The following HIC2 variants were observed in gnomAD, a reference collection of about 807,000 sequenced individuals.
HIC2 encodes the protein hypermethylated in cancer 2 protein.
Under a neutral mutation model 39.5 loss-of-function variants are expected in HIC2, and 2 were observed. That is an observed-to-expected ratio of 0.05 (90% CI 0.02 to 0.16). The LOEUF (loss-of-function observed/expected upper bound fraction) is 0.16. Among genes scored for constraint, HIC2 ranks in the 10% least tolerant of loss-of-function variants. The pLI is 1.00. For synonymous variants in HIC2, 399 were observed against 368.8 expected, an observed-to-expected ratio of 1.08 and a Z score of -0.94; for missense variants, 713 against 863.5, an observed-to-expected ratio of 0.83 and a Z score of 2.18.
Position 21,444,941 on chromosome 22 carries a change from C to T in HIC2, c.46C>T (p.Arg16Cys), listed in dbSNP as rs577836410. ...LALRWCAWAG[R>C]GDMGPDMELP... Reference sequence around the variant, plus strand: ...CCACAGGTGGTGCGCGTGGGCAGGGCGCGGGGACATGGGGCCCGACATGGA... The same window carrying T: ...CCACAGGTGGTGCGCGTGGGCAGGGTGCGGGGACATGGGGCCCGACATGGA... The change falls in exon 3 of 3, where the codon CGC becomes TGC. Residue 16 changes from arginine (R) to cysteine (C), a missense_variant. Transcript: ENST00000407464. 14 of 1,612,360 alleles carry T rather than the reference C, an allele frequency of 8.7e-6. No individual in the cohort carries two copies. Among genetic ancestry groups the T allele is most frequent in the East Asian group, 6.7e-5 (3 of 44,882 alleles).
At position 21,451,085 on chromosome 22, in the gene HIC2, G is replaced by C. The variant is rs969340325; in HGVS notation, c.*4342G>C. 6.5e-6 allele frequency: 1 copy of C among 152,704 alleles called. No homozygotes were observed. Among genetic ancestry groups the C allele is most frequent in the Non-Finnish European group, 1.5e-5 (1 of 68,044 alleles). 9.5% of individuals were successfully genotyped at this position (152,704 alleles called of 1,614,324 possible). A position where few individuals can be genotyped will look rare whatever the true frequency, so the allele number is the denominator to read the frequency against. On this transcript the variant is annotated 3_prime_UTR_variant, in exon 3 of 3. Coordinates refer to ENST00000407464, the MANE Select transcript of HIC2 (RefSeq NM_015094.3). ...TTCCCTCTGCCCTCTCCCACCCCGG[G>C]GGGGACCCAGGTTGGGCACTGGCTC...
At chr22:21,425,507 T>TA (rs1293262123) in intron 1 of HIC2, among the ~76,000 whole-genome samples, 5 of 147,038 alleles carry the variant, frequency 3.4e-5, no homozygotes, top group Non-Finnish European at 6.0e-5. Flanking sequence ...TAACTGGGAT[T>TA]ACAGGCACCC....
intron 1 of HIC2, among the ~76,000 whole-genome samples, chr22:21,432,791 T>C (rs1416596230): frequency 1.3e-3 from 135 of 106,294 alleles, no homozygotes; most frequent in African/African-American, 5.2e-3. Context: ...TTTACAGTAG[T>C]CTCTCTGTTT....
In HIC2 at chr22:21,447,634, A is replaced by G. The variant is rs889736300; in HGVS notation, c.*891A>G. On this transcript the variant is annotated 3_prime_UTR_variant, in exon 3 of 3. Transcript: ENST00000407464. ...AGTTTCCAAGGAATATTCTTTGTTT[A>G]GAGGTACTTGTTTTTTATTAAGAGA... 19 of 142,122 alleles carry G rather than the reference A, an allele frequency of 1.3e-4. No individual in the cohort carries two copies. The highest frequency in any genetic ancestry group is 4.8e-4 in the African/African-American group (18 of 37,524). The allele number at this position is 142,122 out of a possible 1,614,324, so 8.8% of individuals were successfully genotyped here.
rs568022488 is a variant in HIC2 at position 21,425,519 on chromosome 22, C to T, written c.-74+7959C>T. ...GAGTAACTGGGATTACAGGCACCCGCCACCACGCCTGGTTAATTTTTTCTT... is the reference window on the plus strand; with the variant it reads ...GAGTAACTGGGATTACAGGCACCCGTCACCACGCCTGGTTAATTTTTTCTT... On this transcript the variant is annotated intron_variant, in intron 1 of 2. Transcript: ENST00000407464. Among the ~76,000 whole-genome samples, 1,292 of 143,818 alleles carry T rather than the reference C, an allele frequency of 9.0e-3. 7 individuals carry two copies. Among genetic ancestry groups the T allele is most frequent in the African/African-American group, 0.032 (1,217 of 38,088 alleles). 94.4% of individuals were successfully genotyped at this position (143,818 alleles called of 152,430 possible). A position where few individuals can be genotyped will look rare whatever the true frequency, so the allele number is the denominator to read the frequency against.
In HIC2 at chr22:21,451,218, AGGG is replaced by A. The variant is rs1203309003; in HGVS notation, c.*4479_*4481del. 2 of 152,628 alleles carry A rather than the reference AGGG, an allele frequency of 1.3e-5. No individual in the cohort carries two copies. Among genetic ancestry groups the A allele is most frequent in the Non-Finnish European group, 2.9e-5 (2 of 68,018 alleles). The allele number at this position is 152,628 out of a possible 1,614,324, so 9.5% of individuals were successfully genotyped here. A position where few individuals can be genotyped will look rare whatever the true frequency, so the allele number is the denominator to read the frequency against. On this transcript the variant is annotated 3_prime_UTR_variant, in exon 3 of 3. Coordinates refer to ENST00000407464, the MANE Select transcript of HIC2 (RefSeq NM_015094.3). ...TGTTTTGTTTTATGCCCTTCCCAGA[AGGG>A]GGGAGGGACACCGGGATCGCACTCC... is the stretch of plus-strand genomic sequence containing the variant.
In HIC2 at chr22:21,449,027, T is replaced by A. The variant is rs1442198928; in HGVS notation, c.*2284T>A. On this transcript the variant is annotated 3_prime_UTR_variant, in exon 3 of 3. Transcript: ENST00000407464. ...GTGACTCGTGAAAGTAGGTGATTCC[T>A]TTGCAGAACTTCAGGGACTGGGAGC... is the stretch of plus-strand genomic sequence containing the variant. 2 of 152,744 alleles carry A rather than the reference T, an allele frequency of 1.3e-5. No individual in the cohort carries two copies. Among genetic ancestry groups the A allele is most frequent in the Non-Finnish European group, 2.9e-5 (2 of 68,048 alleles). The allele number at this position is 152,744 out of a possible 1,614,324, so 9.5% of individuals were successfully genotyped here.
At position 21,445,776 on chromosome 22, in the gene HIC2, C is replaced by G; in HGVS notation, c.881C>G (p.Ser294Cys). Residue 294 changes from serine to cysteine, a missense_variant, in exon 3 of 3, where the codon TCT (serine) becomes TGT (cysteine). Physicochemically the swap from Ser to Cys is moderately radical, Grantham distance 112. This residue lies in a region of HIC2 where 457 missense variants were observed against 420.2 expected (regional missense o/e 1.09). Transcript: ENST00000407464. ...GCTCCTCCCGTTGCCAACAGTGCCTCTTATTCTGAGCTGGGGGGCACCCCT... is the reference window on the plus strand; with the variant it reads ...GCTCCTCCCGTTGCCAACAGTGCCTGTTATTCTGAGCTGGGGGGCACCCCT... ...ASAPPVANSASYSELGGTPDE... is the reference protein window; with the variant it reads ...ASAPPVANSACYSELGGTPDE... 1 of 1,606,474 alleles carries G rather than the reference C, an allele frequency of 6.2e-7. No homozygotes were observed. Among genetic ancestry groups the G allele is most frequent in the Non-Finnish European group, 8.5e-7 (1 of 1,176,852 alleles).
chr22:21,444,455 C>T (rs1186316424), intron 2 of HIC2, among the ~76,000 whole-genome samples: 1 of 152,234 alleles, frequency 6.6e-6, no homozygotes, highest in African/African-American at 2.4e-5. Flanking sequence ...AAAGGAACCA[C>T]CATTTAGTTT....
Position 21,417,419 on chromosome 22 carries a change from G to A in HIC2, c.-215G>A. 7.1e-6 allele frequency: 1 copy of A among 140,066 alleles called. No individual in the cohort carries two copies. Among genetic ancestry groups the A allele is most frequent in the East Asian group, 2.4e-4 (1 of 4,138 alleles). The allele number at this position is 140,066 out of a possible 1,614,324, so 8.7% of individuals were successfully genotyped here. A position where few individuals can be genotyped will look rare whatever the true frequency, so the allele number is the denominator to read the frequency against. On this transcript the variant is annotated 5_prime_UTR_variant, in exon 1 of 3. Coordinates refer to ENST00000407464, the MANE Select transcript of HIC2 (RefSeq NM_015094.3). The stretch of plus-strand genomic sequence containing the variant: ...GCGGGCGGCTGTGAGCGGCGCTCGG[G>A]GCGCGCTAGGCGGGGAGCCGAGCCG...
At chr22:21,444,785 G>C in intron 2 of HIC2, 137 bp from the exon 3 acceptor site, 4 of 875,584 alleles carry the variant, frequency 4.6e-6, no homozygotes, top group Non-Finnish European at 6.9e-6. Context: ...TATGTGCCGT[G>C]TACTGTGCCG....
chr22:21,451,417 A>G lies in HIC2; in HGVS notation c.*4674A>G, dbSNP rs990648296. ...TGTGCAGTCTTAAATGTACAGCGAT[A>G]AGAAACTGTTATTTTATGATCTTTT... is the stretch of plus-strand genomic sequence containing the variant. On this transcript the variant is annotated 3_prime_UTR_variant, in exon 3 of 3. Coordinates refer to ENST00000407464, the MANE Select transcript of HIC2 (RefSeq NM_015094.3). 2 of 152,798 alleles carry G rather than the reference A, an allele frequency of 1.3e-5. No homozygotes were observed. Among genetic ancestry groups the G allele is most frequent in the Non-Finnish European group, 2.9e-5 (2 of 68,052 alleles). 9.5% of individuals were successfully genotyped at this position (152,798 alleles called of 1,614,324 possible).
intron 1 of HIC2, among the ~76,000 whole-genome samples, chr22:21,432,552 TG>T (rs1440379277): frequency 5.5e-5 from 5 of 91,298 alleles, no homozygotes; most frequent in African/African-American, 2.6e-4. Context: ...GGTGCACACT[TG>T]GAATCCCAGC....
Position 21,445,375 on chromosome 22 carries a change from C to T in HIC2, c.480C>T (p.Pro160=). The change falls in exon 3 of 3, where the codon CCC becomes CCT. Residue 160 remains proline, a synonymous_variant. Transcript: ENST00000407464. ...RAGSTGMGRP[P]RSQRLSTASV... ...GGTCCACTGGCATGGGGCGGCCCCC[C>T]CGCAGCCAGCGGCTGTCCACGGCCT... 2 of 1,554,806 alleles carry T rather than the reference C, an allele frequency of 1.3e-6. No individual in the cohort carries two copies. Among genetic ancestry groups the T allele is most frequent in the Non-Finnish European group, 1.7e-6 (2 of 1,151,916 alleles).
chr22:21,443,340 A>C (rs555100463), intron 2 of HIC2, among the ~76,000 whole-genome samples: 1 of 152,154 alleles, frequency 6.6e-6, no homozygotes, highest in South Asian at 2.1e-4. Flanking sequence ...GTTCACATTG[A>C]GCTCTGGCAC....
Position 21,446,963 on chromosome 22 carries a change from C to A in HIC2, c.*220C>A. 3.1e-6 allele frequency: 2 copies of A among 654,374 alleles called. No homozygotes were observed. Among genetic ancestry groups the A allele is most frequent in the Non-Finnish European group, 5.0e-6 (2 of 403,876 alleles). 40.5% of individuals were successfully genotyped at this position (654,374 alleles called of 1,614,324 possible). On this transcript the variant is annotated 3_prime_UTR_variant, in exon 3 of 3. Transcript: ENST00000407464. ...AGGGGTCCCAGCCCGTCTACCTCCC[C>A]ATCCCACCCAGGCCCCCAGCTCCCC... is the stretch of plus-strand genomic sequence containing the variant.
intron 1 of HIC2, among the ~76,000 whole-genome samples, chr22:21,438,445 CCT>C (rs1256926330): frequency 1.4e-5 from 2 of 147,792 alleles, no homozygotes; most frequent in Non-Finnish European, 3.0e-5. Context: ...CTGAAAACCT[CCT>C]CTCTCCTGGC....
chr22:21,445,803 A>T lies in HIC2; in HGVS notation c.908A>T (p.Asp303Val). 3 of 1,596,932 alleles carry T rather than the reference A, an allele frequency of 1.9e-6. No homozygotes were observed. The highest frequency in any genetic ancestry group is 2.6e-6 in the Non-Finnish European group (3 of 1,171,522). The change falls in exon 3 of 3, where the codon GAT becomes GTT. Residue 303 changes from aspartate to valine, a missense_variant. Physicochemically the swap from Asp to Val is radical, Grantham distance 152 (BLOSUM62 -3). Transcript: ENST00000407464. ...ASYSELGGTP[D>V]EPMDLEGAED... Reference sequence around the variant, plus strand: ...TATTCTGAGCTGGGGGGCACCCCTGATGAGCCCATGGATCTGGAGGGGGCC... The same window carrying T: ...TATTCTGAGCTGGGGGGCACCCCTGTTGAGCCCATGGATCTGGAGGGGGCC...
In HIC2 at chr22:21,451,089, GA is replaced by G. The variant is rs1924166262; in HGVS notation, c.*4347del. ...CTCTGCCCTCTCCCACCCCGGGGGG[GA>G]CCCAGGTTGGGCACTGGCTCATTTC... On this transcript the variant is annotated 3_prime_UTR_variant, in exon 3 of 3. Coordinates refer to ENST00000407464, the MANE Select transcript of HIC2 (RefSeq NM_015094.3). 6.6e-6 allele frequency: 1 copy of G among 152,654 alleles called. No homozygotes were observed. The highest frequency in any genetic ancestry group is 1.5e-5 in the Non-Finnish European group (1 of 68,044). The allele number at this position is 152,654 out of a possible 1,614,324, so 9.5% of individuals were successfully genotyped here. A position where few individuals can be genotyped will look rare whatever the true frequency, so the allele number is the denominator to read the frequency against.
Sources: gnomAD v4.1 joint callset for allele counts (sites outside exome capture counted in the v4.1 genomes callset) on GRCh38, gnomAD v4.1.1 for gene constraint, gnomAD v4.1.1 regional missense constraint, MANE v1.5 for transcripts, NCBI Gene and HGNC (gene_info 2026-07-23, HGNC 2026-07-21) for gene names.